ZSCAN30: variants seen among roughly 807,000 people sequenced by gnomAD.
ZSCAN30 encodes zinc finger and SCAN domain-containing protein 30.
ZSCAN30 carries 37 observed loss-of-function variants against 44.3 expected under a neutral mutation model. The ratio of observed to expected loss-of-function variants is 0.84; its 90% CI spans 0.64 to 1.10. The LOEUF (loss-of-function observed/expected upper bound fraction) is 1.10. Among genes scored for constraint, ZSCAN30 ranks in the 50% least tolerant of loss-of-function variants. ZSCAN30 has a pLI of 0.00. For synonymous variants in ZSCAN30, 181 were observed against 204.6 expected (o/e 0.88, Z 0.98); for missense variants, 549 against 582.6 (o/e 0.94, Z 0.59).
intron 3 of ZSCAN30, chr18:35,254,769 A>C (rs2043737068): frequency 3.3e-6 from 1 of 304,794 alleles, no homozygotes; most frequent in Admixed American, 4.7e-5. Context: ...GGATAAAGAA[A>C]GATATCTAAG....
intron 1 of ZSCAN30, chr18:35,283,542 G>A (rs1173601378): frequency 6.6e-6 from 1 of 152,362 alleles, no homozygotes; most frequent in Non-Finnish European, 1.5e-5. Flanking sequence ...AAGTAGCAAG[G>A]GATGTGTGAG....
chr18:35,258,300 A>G (rs777859572), intron 3 of ZSCAN30: 4 of 310,356 alleles, frequency 1.3e-5, no homozygotes, highest in Non-Finnish European at 2.4e-5. Context: ...AGGACATTGG[A>G]GAGATAGAGT....
intron 1 of ZSCAN30, chr18:35,284,155 A>T (rs1212250171): frequency 6.5e-6 from 1 of 154,774 alleles, no homozygotes; most frequent in Non-Finnish European, 1.4e-5. Context: ...GCCCTGGAGT[A>T]GGTAGCTCCT....
intron 3 of ZSCAN30, chr18:35,257,653 T>C (rs1004027735): frequency 6.2e-6 from 3 of 486,510 alleles, no homozygotes; most frequent in Non-Finnish European, 1.1e-5. Context: ...TATTTTGTTA[T>C]AGCAGTCCTA....
chr18:35,280,654 C>T (rs1359445575), intron 1 of ZSCAN30, among the ~76,000 whole-genome samples: 1 of 152,184 alleles, frequency 6.6e-6, no homozygotes, highest in African/African-American at 2.4e-5. Context: ...GAGTTTTCAG[C>T]ACTGGTTCTG....
At chr18:35,261,833 T>C (rs770557115) in intron 3 of ZSCAN30, 1 of 152,224 alleles carries the variant, frequency 6.6e-6, no homozygotes, top group Non-Finnish European at 1.5e-5. Context: ...TCATATTATC[T>C]GCAAATAGAG....
chr18:35,280,816 G>A (rs1279565878), intron 1 of ZSCAN30: 1 of 152,174 alleles, frequency 6.6e-6, no homozygotes, highest in Non-Finnish European at 1.5e-5. Flanking sequence ...TGAGCAAAAG[G>A]CAAGTTAATT....
At chr18:35,278,572 G>C (rs539168139) in intron 1 of ZSCAN30, among the ~76,000 whole-genome samples, 1 of 152,098 alleles carries the variant, frequency 6.6e-6, no homozygotes, top group Non-Finnish European at 1.5e-5. Flanking sequence ...ACACCTAATC[G>C]CTTCACCAAA....
In ZSCAN30 at chr18:35,254,305, T is replaced by C. The variant is rs763547338; in HGVS notation, c.630A>G (p.Ile210Met). ...TTTCTCCAGGAAGTTTTCCCGGCGA[T>C]ATCATAGCTGCTGAGGCTACACATT... ...IVECVASAAM[I>M]SPGKLPGETH... Residue 210 changes from isoleucine (I) to methionine (M), a missense_variant, in exon 4 of 4, where the codon ATA becomes ATG. Transcript: ENST00000333206. The C allele has an allele frequency of 1.5e-5, 24 of 1,614,040 alleles. No individual in the cohort carries two copies. The African/African-American group carries it at 3.2e-4, about 22-fold the overall frequency.
chr18:35,253,397 C>A lies in ZSCAN30; in HGVS notation c.*53G>T, dbSNP rs770784833. The A allele has an allele frequency of 8.9e-6, 13 of 1,465,236 alleles. No individual in the cohort carries two copies. Among genetic ancestry groups the A allele is most frequent in the African/African-American group, 1.4e-5 (1 of 70,738 alleles). 90.8% of individuals were successfully genotyped at this position (1,465,236 alleles called of 1,614,324 possible). ...AACTTTTCTTTTCTGTGGAGTCTCA[C>A]CCCTACAGTGAACTCCTTGCATTTC... is the stretch of plus-strand genomic sequence containing the variant. On this transcript the variant is annotated 3_prime_UTR_variant, in exon 4 of 4. Coordinates refer to ENST00000333206, the MANE Select transcript of ZSCAN30 (RefSeq NM_001112734.4).
rs753760125 is a variant in ZSCAN30 at position 35,264,394 on chromosome 18, G to A, written c.-42C>T. 2.8e-5 allele frequency: 44 copies of A among 1,574,386 alleles called. 1 individual carries two copies. In the East Asian group the frequency reaches 9.4e-4, roughly 34 times the overall value. ...CTGAAAAGGCTGCCCAGGTGAGGCA[G>A]GGAGGAGATGGAGATTTGCGTCTGA... On this transcript the variant is annotated 5_prime_UTR_variant, in exon 2 of 4. Coordinates refer to ENST00000333206, the MANE Select transcript of ZSCAN30 (RefSeq NM_001112734.4).
intron 1 of ZSCAN30, among the ~76,000 whole-genome samples, chr18:35,271,131 AG>A (rs1044037739): frequency 6.6e-6 from 1 of 152,186 alleles, no homozygotes; most frequent in Non-Finnish European, 1.5e-5. Context: ...TATTGCAAAA[AG>A]CAAAAAAACC....
chr18:35,288,981 GTTTT>G (rs2044602669), intron 1 of ZSCAN30, among the ~76,000 whole-genome samples: 2 of 151,024 alleles, frequency 1.3e-5, no homozygotes, highest in Middle Eastern at 3.2e-3. Context: ...GTTTTGTTTT[GTTTT>G]GAGACAAAGT....
chr18:35,254,002 G>T lies in ZSCAN30; in HGVS notation c.933C>A (p.Cys311Ter). The part of the protein sequence containing the change: ...YECFDCGKAF[C>*]QSSKLIRHQR... ...GATGTCTAATCAGCTTTGAGCTCTGGCAAAAGGCCTTCCCACAGTCAAAGC... is the reference window on the plus strand; with the variant it reads ...GATGTCTAATCAGCTTTGAGCTCTGTCAAAAGGCCTTCCCACAGTCAAAGC... Residue 311 changes from cysteine to a stop codon, truncating the protein, a stop_gained, in exon 4 of 4, where the codon TGC (cysteine) becomes TGA (stop). Coordinates refer to ENST00000333206, the MANE Select transcript of ZSCAN30 (RefSeq NM_001112734.4). LOFTEE classifies it high-confidence loss of function. The T allele has an allele frequency of 6.2e-7, 1 of 1,614,152 alleles. No individual in the cohort carries two copies. The highest frequency in any genetic ancestry group is 1.3e-5 in the African/African-American group (1 of 75,040).
intron 3 of ZSCAN30, chr18:35,257,416 G>A (rs575942411): frequency 1.9e-5 from 3 of 155,456 alleles, no homozygotes; most frequent in African/African-American, 4.8e-5. Context: ...GTATTAGGAA[G>A]TGCGGACCTT....
At chr18:35,271,766 G>A (rs1228538716) in intron 1 of ZSCAN30, among the ~76,000 whole-genome samples, 1 of 152,230 alleles carries the variant, frequency 6.6e-6, no homozygotes, top group Non-Finnish European at 1.5e-5. Context: ...GGGGCGCTTG[G>A]GCATGGCGGG....
intron 1 of ZSCAN30, among the ~76,000 whole-genome samples, chr18:35,288,234 C>T (rs1214398850): frequency 2.0e-5 from 3 of 152,192 alleles, no homozygotes; most frequent in Non-Finnish European, 4.4e-5. Flanking sequence ...TGTACAGATA[C>T]TTCACCAAAG....
intron 1 of ZSCAN30, chr18:35,282,484 G>A (rs1416348635): frequency 2.1e-5 from 3 of 142,974 alleles, no homozygotes; most frequent in Non-Finnish European, 4.7e-5. Flanking sequence ...AAGTGCACCA[G>A]TTTTCCTAGA....
At chr18:35,269,191 C>T (rs2044222526) in intron 1 of ZSCAN30, 1 of 152,162 alleles carries the variant, frequency 6.6e-6, no homozygotes, top group South Asian at 2.1e-4. Context: ...AATATGGAAG[C>T]CATTAGCCAT....
Sources: gnomAD v4.1 joint callset for allele counts (sites outside exome capture counted in the v4.1 genomes callset) on GRCh38, gnomAD v4.1.1 for gene constraint, MANE v1.5 for transcripts, NCBI Gene and HGNC (gene_info 2026-07-23, HGNC 2026-07-21) for gene names.